Variants in STXBP5 observed in about 807,000 individuals in gnomAD.
STXBP5 encodes the protein syntaxin-binding protein 5.
STXBP5 carries 50 observed loss-of-function variants against 152.4 expected under a neutral mutation model. That is an observed-to-expected ratio of 0.33 (90% CI 0.26 to 0.42). The LOEUF is 0.42. Ranked by LOEUF, STXBP5 falls within the 10% of genes least tolerant of loss-of-function variation. STXBP5 has a pLI of 1.00. For missense variants in STXBP5, 1,167 were observed against 1,388.6 expected (o/e 0.84, Z 2.54); for synonymous variants, 492 against 494.7 (o/e 0.99, Z 0.07).
chr6:147,359,549 C>T (rs1784969459), intron 23 of STXBP5, among the ~76,000 whole-genome samples: 1 of 151,742 alleles, frequency 6.6e-6, no homozygotes, highest in Non-Finnish European at 1.5e-5. Context: ...CATGCTGATG[C>T]TCTGCACCCA....
intron 20 of STXBP5, 46 bp downstream of exon 20, chr6:147,339,284 T>C: frequency 1.3e-6 from 2 of 1,508,064 alleles, no homozygotes; most frequent in Non-Finnish European, 1.8e-6. Context: ...GTTTAATTTA[T>C]TTAGTTTACT....
At chr6:147,268,869 G>C (rs1184686652) in intron 7 of STXBP5, among the ~76,000 whole-genome samples, 1 of 152,058 alleles carries the variant, frequency 6.6e-6, no homozygotes, top group Non-Finnish European at 1.5e-5. Context: ...AAACAAAGAA[G>C]GTAAACCCCT....
chr6:147,355,989 T>A (rs1053048161), intron 22 of STXBP5, among the ~76,000 whole-genome samples: 2 of 152,124 alleles, frequency 1.3e-5, no homozygotes, highest in Non-Finnish European at 2.9e-5. Context: ...TCTAGGCAGA[T>A]AATAAAATAA....
chr6:147,221,774 T>C (rs1005386892), intron 2 of STXBP5, among the ~76,000 whole-genome samples: 1 of 151,780 alleles, frequency 6.6e-6, no homozygotes, highest in Admixed American at 6.6e-5. Flanking sequence ...TTCTGCTTGG[T>C]ATTTTCTTAG....
chr6:147,371,126 A>G (rs1484044571), intron 25 of STXBP5, among the ~76,000 whole-genome samples: 2 of 152,066 alleles, frequency 1.3e-5, no homozygotes, highest in African/African-American at 4.8e-5. Flanking sequence ...CAGAAATACC[A>G]TCTACTATGA....
At chr6:147,226,883 C>T (rs1222611358) in intron 2 of STXBP5, among the ~76,000 whole-genome samples, 1 of 151,982 alleles carries the variant, frequency 6.6e-6, no homozygotes, top group Non-Finnish European at 1.5e-5. Flanking sequence ...AGCTTTGTAT[C>T]TTTACCTCCT....
chr6:147,334,087 T>A (rs1030745009), intron 18 of STXBP5, 70 bp from the exon 19 acceptor site: 2 of 1,482,822 alleles, frequency 1.3e-6, no homozygotes, highest in African/African-American at 2.8e-5. Flanking sequence ...AAATGTGTAC[T>A]ATAAATAAAA....
At chr6:147,245,776 T>C (rs533824158) in intron 4 of STXBP5, among the ~76,000 whole-genome samples, 2 of 152,204 alleles carry the variant, frequency 1.3e-5, no homozygotes, top group African/African-American at 2.4e-5. Context: ...ACTCAGACAA[T>C]ACCATGTGAT....
chr6:147,336,582 A>G (rs1783835553), intron 19 of STXBP5, among the ~76,000 whole-genome samples: 1 of 152,264 alleles, frequency 6.6e-6, no homozygotes, highest in South Asian at 2.1e-4. Context: ...AAACATAAAA[A>G]TTAGTAATTA....
intron 7 of STXBP5, among the ~76,000 whole-genome samples, chr6:147,277,731 G>C (rs1209125128): frequency 6.6e-6 from 1 of 151,942 alleles, no homozygotes; most frequent in Admixed American, 6.6e-5. Flanking sequence ...TTTTCTATTG[G>C]GACACTGGTT....
intron 21 of STXBP5, among the ~76,000 whole-genome samples, chr6:147,341,773 T>A (rs1451735452): frequency 6.6e-6 from 1 of 152,058 alleles, no homozygotes; most frequent in Non-Finnish European, 1.5e-5. Flanking sequence ...CTTTTTTTTT[T>A]AACTGCCTGA....
Position 147,260,767 on chromosome 6 carries a change from T to G in STXBP5, c.566+18T>G. ...ATTGAACTGTGAGTTTGAACAAATATTTTGTATCTGAAAGCATCAGTTCTA... is the reference window on the plus strand; with the variant it reads ...ATTGAACTGTGAGTTTGAACAAATAGTTTGTATCTGAAAGCATCAGTTCTA... On this transcript the variant is annotated intron_variant, in intron 5 of 27. Coordinates refer to ENST00000321680, the MANE Select transcript of STXBP5 (RefSeq NM_001127715.4). 1 of 1,611,070 alleles carries G rather than the reference T, an allele frequency of 6.2e-7. No homozygotes were observed. The highest frequency in any genetic ancestry group is 8.5e-7 in the Non-Finnish European group (1 of 1,178,802).
At chr6:147,348,312 A>C (rs978650710) in intron 21 of STXBP5, among the ~76,000 whole-genome samples, 5 of 151,948 alleles carry the variant, frequency 3.3e-5, no homozygotes, top group East Asian at 1.9e-4. Flanking sequence ...CATTACAGAC[A>C]TCCTAGGATT....
intron 26 of STXBP5, among the ~76,000 whole-genome samples, chr6:147,382,237 A>G (rs1302373255): frequency 1.3e-5 from 2 of 152,132 alleles, no homozygotes; most frequent in Non-Finnish European, 2.9e-5. Flanking sequence ...GACAAGATAA[A>G]TGGAGAAAAA....
rs765112385 is a variant in STXBP5, at chr6:147,382,909, G to C, written c.3325G>C (p.Asp1109His). The change falls in exon 27 of 28, where the codon GAT (aspartate) becomes CAT (histidine). Residue 1109 changes from aspartate (D) to histidine (H), a missense_variant. This residue lies in a region of STXBP5 where 833 missense variants were observed against 986.3 expected (regional missense o/e 0.84). Transcript: ENST00000321680. ...ATTAGCACGAGCCAGGCTGGCACTA[G>C]ATGAAAGAGGGCAGAAACTTGGCGA... is the stretch of plus-strand genomic sequence containing the variant. ...GELARARLAL[D>H]ERGQKLGDLE... is the part of the protein sequence containing the mutation. 1.9e-6 allele frequency: 3 copies of C among 1,613,528 alleles called. No individual in the cohort carries two copies. Among genetic ancestry groups the C allele is most frequent in the Non-Finnish European group, 2.5e-6 (3 of 1,179,692 alleles).
At chr6:147,359,037 C>T in intron 22 of STXBP5, 47 bp from the exon 23 acceptor site, 2 of 1,581,808 alleles carry the variant, frequency 1.3e-6, no homozygotes, top group Non-Finnish European at 1.7e-6. Flanking sequence ...ACACAAATAA[C>T]TTCTTTTATA....
At chr6:147,266,052 T>G (rs951157745) in intron 6 of STXBP5, among the ~76,000 whole-genome samples, 22 of 151,954 alleles carry the variant, frequency 1.4e-4, no homozygotes, top group African/African-American at 5.1e-4. Context: ...GCAAAAAGGA[T>G]GACATTCAAA....
rs1786300416 is a variant in STXBP5 at position 147,385,608 on chromosome 6, T to G, written c.*853T>G. 1 of 152,110 alleles carries G rather than the reference T, an allele frequency of 6.6e-6. No homozygotes were observed. The highest frequency in any genetic ancestry group is 2.1e-4 in the South Asian group (1 of 4,834). 9.4% of individuals were successfully genotyped at this position (152,110 alleles called of 1,614,324 possible). A position where few individuals can be genotyped will look rare whatever the true frequency, so the allele number is the denominator to read the frequency against. ...TCATTAATTCAGCTAAAGGTGGATT[T>G]GACCAAAATAATGCTGGTTAAATTT... On this transcript the variant is annotated 3_prime_UTR_variant, in exon 28 of 28. Transcript: ENST00000321680.
Position 147,241,336 on chromosome 6 carries a change from T to C in STXBP5, c.431+2066T>C, listed in dbSNP as rs77505392. Among the ~76,000 whole-genome samples the C allele has an allele frequency of 7.7e-3, 1,179 of 152,316 alleles. 18 individuals are homozygous for C. Among genetic ancestry groups the C allele is most frequent in the African/African-American group, 0.026 (1,082 of 41,572 alleles). ...ACATAATAAGGTTCACTATTTGTGT[T>C]GAACAATTCTATGTATTTTGACAAA... is the stretch of plus-strand genomic sequence containing the variant. On this transcript the variant is annotated intron_variant, in intron 4 of 27. Transcript: ENST00000321680.
Sources: gnomAD v4.1 joint callset for allele counts (sites outside exome capture counted in the v4.1 genomes callset) on GRCh38, gnomAD v4.1.1 for gene constraint, gnomAD v4.1.1 regional missense constraint, MANE v1.5 for transcripts, NCBI Gene and HGNC (gene_info 2026-07-23, HGNC 2026-07-21) for gene names.